CCDC146: variants seen among roughly 807,000 people sequenced by gnomAD.
CCDC146 encodes the protein coiled-coil domain containing 146.
CCDC146 carries 92 observed loss-of-function variants against 119.3 expected under a neutral mutation model. The ratio of observed to expected loss-of-function variants is 0.77; its 90% CI spans 0.65 to 0.92. The LOEUF (loss-of-function observed/expected upper bound fraction) is 0.92, where lower values mean the gene tolerates loss of function less well. CCDC146 is among the 40% of genes least tolerant of loss of function. The pLI is 0.00. For missense variants in CCDC146, 1,000 were observed against 1,103.0 expected, an observed-to-expected ratio of 0.91 and a Z score of 1.32; for synonymous variants, 372 against 371.8, an observed-to-expected ratio of 1.00 and a Z score of -0.01.
intron 8 of CCDC146, among the ~76,000 whole-genome samples, chr7:77,260,623 T>G (rs1038026118): frequency 1.3e-5 from 2 of 152,192 alleles, no homozygotes; most frequent in Non-Finnish European, 2.9e-5. Flanking sequence ...GAGTTTTATG[T>G]CCTGCTTTTT....
intron 15 of CCDC146, among the ~76,000 whole-genome samples, chr7:77,286,112 G>T (rs897272459): frequency 5.9e-5 from 9 of 152,170 alleles, no homozygotes; most frequent in African/African-American, 1.7e-4. Flanking sequence ...TTAGCTCATG[G>T]TTCTGCAGGC....
Position 77,295,102 on chromosome 7 carries a change from G to A in CCDC146, c.*236G>A. 2 of 420,596 alleles carry A rather than the reference G, an allele frequency of 4.8e-6. No homozygotes were observed. Among genetic ancestry groups the A allele is most frequent in the Non-Finnish European group, 8.5e-6 (2 of 235,238 alleles). The allele number at this position is 420,596 out of a possible 1,614,324, so 26.1% of individuals were successfully genotyped here. On this transcript the variant is annotated 3_prime_UTR_variant, in exon 19 of 19. Coordinates refer to ENST00000285871, the MANE Select transcript of CCDC146 (RefSeq NM_020879.3). The stretch of plus-strand genomic sequence containing the variant: ...TTATGTCAAAGTATATATTTGAATC[G>A]CTTATATTTTCTTTTTCACTCTTTA...
At chr7:77,209,505 C>T (rs1057465293) in intron 2 of CCDC146, among the ~76,000 whole-genome samples, 6 of 152,292 alleles carry the variant, frequency 3.9e-5, no homozygotes, top group Non-Finnish European at 7.4e-5. Context: ...TCCAGGTGCA[C>T]GGTGCAAGCT....
chr7:77,189,940 A>G (rs575244476), intron 2 of CCDC146, among the ~76,000 whole-genome samples: 1 of 152,202 alleles, frequency 6.6e-6, no homozygotes, highest in African/African-American at 2.4e-5. Context: ...TTAATTTTTA[A>G]TGGTATTTAT....
intron 2 of CCDC146, among the ~76,000 whole-genome samples, chr7:77,219,891 C>A (rs148604172): frequency 6.6e-6 from 1 of 152,018 alleles, no homozygotes; most frequent in African/African-American, 2.4e-5. Flanking sequence ...TATCAAAGGG[C>A]AGAGAGGCAG....
At chr7:77,160,379 TATTG>T (rs1434459729) in intron 1 of CCDC146, among the ~76,000 whole-genome samples, 4 of 152,240 alleles carry the variant, frequency 2.6e-5, no homozygotes, top group Admixed American at 2.0e-4. Context: ...ATTTTCATGA[TATTG>T]ATTCTTTCTA....
At chr7:77,291,129 G>A (rs1473844549) in intron 17 of CCDC146, among the ~76,000 whole-genome samples, 1 of 152,158 alleles carries the variant, frequency 6.6e-6, no homozygotes, top group Non-Finnish European at 1.5e-5. Context: ...CTTATGGGAT[G>A]ACAAAAATAG....
chr7:77,172,149 T>C (rs1791432016), intron 2 of CCDC146, among the ~76,000 whole-genome samples: 1 of 152,226 alleles, frequency 6.6e-6, no homozygotes, highest in South Asian at 2.1e-4. Flanking sequence ...TTCAGAATTA[T>C]TGGATTCAGA....
chr7:77,293,268 G>T, intron 18 of CCDC146, 68 bp downstream of exon 18: 1 of 1,260,776 alleles, frequency 7.9e-7, no homozygotes, highest in South Asian at 1.4e-5. Flanking sequence ...GCAACCCACA[G>T]TTATCCCACA....
chr7:77,178,923 CT>C (rs1403131163), intron 2 of CCDC146, among the ~76,000 whole-genome samples: 1 of 151,964 alleles, frequency 6.6e-6, no homozygotes, highest in East Asian at 1.9e-4. Flanking sequence ...AATAAAATAC[CT>C]TTTTCAACAA....
intron 2 of CCDC146, among the ~76,000 whole-genome samples, chr7:77,212,969 T>C (rs1055260298): frequency 2.0e-5 from 3 of 147,178 alleles, no homozygotes; most frequent in African/African-American, 2.5e-5. Flanking sequence ...TTTTTTTTTT[T>C]TGCCAAGGCT....
At chr7:77,291,168 G>C (rs903120208) in intron 17 of CCDC146, among the ~76,000 whole-genome samples, 1 of 152,158 alleles carries the variant, frequency 6.6e-6, no homozygotes, top group African/African-American at 2.4e-5. Flanking sequence ...TCAGCAGTGA[G>C]ACATGATGTG....
At chr7:77,154,707 A>G (rs1791156604) in intron 1 of CCDC146, among the ~76,000 whole-genome samples, 1 of 152,134 alleles carries the variant, frequency 6.6e-6, no homozygotes, top group South Asian at 2.1e-4. Flanking sequence ...TCTATCATTG[A>G]TGGACATTTG....
chr7:77,125,790 C>T (rs1424528780), intron 1 of CCDC146, among the ~76,000 whole-genome samples: 3 of 152,054 alleles, frequency 2.0e-5, no homozygotes, highest in Non-Finnish European at 4.4e-5. Context: ...AGAGATATAT[C>T]TTATGACTTC....
intron 2 of CCDC146, chr7:77,197,082 T>A (rs1171923695): frequency 4.0e-6 from 3 of 742,908 alleles, no homozygotes; most frequent in Non-Finnish European, 6.6e-6. Context: ...GATAATTGAA[T>A]CAATGGCAGT....
At chr7:77,247,902 AACT>A (rs1177850107) in intron 4 of CCDC146, among the ~76,000 whole-genome samples, 1 of 152,188 alleles carries the variant, frequency 6.6e-6, no homozygotes, top group Non-Finnish European at 1.5e-5. Flanking sequence ...CTAAAAATAG[AACT>A]ACTAATCCAT....
At chr7:77,241,325 G>T (rs570356625) in intron 3 of CCDC146, among the ~76,000 whole-genome samples, 62 of 95,236 alleles carry the variant, frequency 6.5e-4, no homozygotes, top group African/African-American at 1.6e-3. Context: ...CCAAAGTGCT[G>T]GGATTACAGG....
chr7:77,280,676 G>T lies in CCDC146; in HGVS notation c.1919+23G>T, dbSNP rs1469449744. 7 of 1,514,882 alleles carry T rather than the reference G, an allele frequency of 4.6e-6. No homozygotes were observed. In the Admixed American group the frequency reaches 9.1e-5, roughly 20 times the overall value. The allele number at this position is 1,514,882 out of a possible 1,614,324, so 93.8% of individuals were successfully genotyped here. ...AAGGTAAAAACCAGGTGTGAGAACA[G>T]AGCACCAGGGATCCAACTGAGGAAT... is the stretch of plus-strand genomic sequence containing the variant. On this transcript the variant is annotated intron_variant, in intron 14 of 18. Coordinates refer to ENST00000285871, the MANE Select transcript of CCDC146 (RefSeq NM_020879.3).
In CCDC146 at chr7:77,280,473, T is replaced by A. The variant is rs762270211; in HGVS notation, c.1739T>A (p.Ile580Asn). ...CTGAAACACGCCAACAATGTTACCA[T>A]CAGAGAGAGCATGCAAAACGATGTG... is the stretch of plus-strand genomic sequence containing the variant. ...SMLKHANNVT[I>N]RESMQNDVRK... is the part of the protein sequence containing the mutation. Residue 580 changes from isoleucine (I) to asparagine (N), a missense_variant, in exon 14 of 19, where the codon ATC (isoleucine) becomes AAC (asparagine). By Grantham distance (149) the Ile-to-Asn change is moderately radical. Coordinates refer to ENST00000285871, the MANE Select transcript of CCDC146 (RefSeq NM_020879.3). 2.1e-5 allele frequency: 34 copies of A among 1,613,906 alleles called. No individual in the cohort carries two copies. The highest frequency in any genetic ancestry group is 6.7e-5 in the East Asian group (3 of 44,898).
Sources: allele counts gnomAD v4.1 joint callset (sites outside exome capture counted in the v4.1 genomes callset), GRCh38; gene constraint gnomAD v4.1.1; transcripts MANE v1.5; gene names NCBI Gene and HGNC (gene_info 2026-07-23, HGNC 2026-07-21).